Variants in SLC30A8 observed in about 807,000 individuals in gnomAD.
SLC30A8 encodes proton-coupled zinc antiporter SLC30A8.
In SLC30A8, 27 loss-of-function variants were observed where a neutral mutation model predicts 36.9. That is an observed-to-expected ratio of 0.73 (90% CI 0.54 to 1.01). The LOEUF (loss-of-function observed/expected upper bound fraction) is 1.01. Ranked by LOEUF, SLC30A8 falls within the 50% of genes least tolerant of loss-of-function variation. SLC30A8 has a pLI of 0.00. For missense variants in SLC30A8, 439 were observed against 452.0 expected, an observed-to-expected ratio of 0.97 and a Z score of 0.26; for synonymous variants, 164 against 172.4, an observed-to-expected ratio of 0.95 and a Z score of 0.38.
chr8:117,108,736 C>T (rs1197028255), intron 2 of SLC30A8, among the ~76,000 whole-genome samples: 1 of 152,178 alleles, frequency 6.6e-6, no homozygotes, highest in African/African-American at 2.4e-5. Context: ...AATGACTTCA[C>T]TCTACAAAGA....
At chr8:117,102,923 C>T (rs140512326) in intron 2 of SLC30A8, among the ~76,000 whole-genome samples, 296 of 152,186 alleles carry the variant, frequency 1.9e-3, no homozygotes, top group African/African-American at 7.0e-3. Flanking sequence ...CTCAACTCAG[C>T]GTAGTCCACT....
rs115012450 is a variant in SLC30A8 at position 117,010,367 on chromosome 8, T to C, written c.-265-28852T>C. 3.8e-3 allele frequency among the ~76,000 whole-genome samples: 575 copies of C among 152,278 alleles called. 5 individuals carry two copies. The highest frequency in any genetic ancestry group is 0.013 in the African/African-American group (529 of 41,568). On this transcript the variant is annotated intron_variant, in intron 1 of 10. Coordinates refer to the SLC30A8 transcript ENST00000427715. ...CCCACAGTGTCCAGAACAGGAGTCA[T>C]ACCCTCGGGTTAGAATCTGGCAGCT...
At chr8:117,072,968 G>T (rs1417116852) in intron 2 of SLC30A8, among the ~76,000 whole-genome samples, 2 of 151,666 alleles carry the variant, frequency 1.3e-5, no homozygotes. Flanking sequence ...ATTTAATGTG[G>T]TCTTTGGTAT....
chr8:117,092,589 G>A (rs777193952), intron 2 of SLC30A8, among the ~76,000 whole-genome samples: 2 of 152,204 alleles, frequency 1.3e-5, no homozygotes, highest in African/African-American at 2.4e-5. Context: ...GTGCCCACTA[G>A]TACCTAGACT....
At chr8:116,966,130 C>T (rs1335124437) in intron 1 of SLC30A8, among the ~76,000 whole-genome samples, 4 of 152,080 alleles carry the variant, frequency 2.6e-5, no homozygotes, top group East Asian at 1.9e-4. Context: ...GCAATTCGCC[C>T]GTCTCGGCCT....
chr8:116,995,568 G>C (rs1815786598), intron 1 of SLC30A8, among the ~76,000 whole-genome samples: 1 of 152,104 alleles, frequency 6.6e-6, no homozygotes, highest in Non-Finnish European at 1.5e-5. Flanking sequence ...TTGGTGACTT[G>C]TATGAGCTAC....
chr8:117,079,105 C>T (rs751938218), intron 2 of SLC30A8, among the ~76,000 whole-genome samples: 5 of 152,086 alleles, frequency 3.3e-5, no homozygotes, highest in Admixed American at 6.5e-5. Flanking sequence ...TTCGCCTCCC[C>T]GGTTCAAGTG....
intron 3 of SLC30A8, among the ~76,000 whole-genome samples, chr8:117,153,807 G>A (rs575872863): frequency 5.9e-5 from 9 of 151,796 alleles, no homozygotes; most frequent in South Asian, 2.1e-4. Flanking sequence ...AAGCAAACAC[G>A]TGCTGAAACA....
At chr8:116,990,574 A>G (rs1001692707) in intron 1 of SLC30A8, among the ~76,000 whole-genome samples, 1 of 152,176 alleles carries the variant, frequency 6.6e-6, no homozygotes, top group African/African-American at 2.4e-5. Flanking sequence ...CAAAATAAGG[A>G]AAGAGTGAGA....
intron 2 of SLC30A8, among the ~76,000 whole-genome samples, chr8:117,072,799 C>G (rs1346808028): frequency 6.6e-6 from 1 of 150,390 alleles, no homozygotes; most frequent in African/African-American, 2.4e-5. Flanking sequence ...TCACCCCCTA[C>G]CAAAGAAAAA....
intron 1 of SLC30A8, among the ~76,000 whole-genome samples, chr8:117,136,550 A>G (rs1334660708): frequency 6.6e-6 from 1 of 152,016 alleles, no homozygotes; most frequent in Non-Finnish European, 1.5e-5. Flanking sequence ...AGATTTTATA[A>G]AAAGGATATT....
intron 1 of SLC30A8, among the ~76,000 whole-genome samples, chr8:117,139,869 A>AG (rs1821567613): frequency 6.6e-6 from 1 of 151,946 alleles, no homozygotes; most frequent in East Asian, 1.9e-4. Context: ...TAAAAAAAAA[A>AG]AAAAAAAAAG....
chr8:117,157,945 A>G, intron 4 of SLC30A8, 101 bp downstream of exon 4: 1 of 1,325,958 alleles, frequency 7.5e-7, no homozygotes, highest in Non-Finnish European at 1.0e-6. Flanking sequence ...TGAAGATGGT[A>G]GAGACTGGAC....
intron 2 of SLC30A8, among the ~76,000 whole-genome samples, chr8:117,046,533 C>A (rs1207605084): frequency 6.6e-6 from 1 of 152,100 alleles, no homozygotes. Flanking sequence ...AGTGATGAGA[C>A]AAATAATTAA....
intron 2 of SLC30A8, among the ~76,000 whole-genome samples, chr8:117,126,639 G>A (rs1419362715): frequency 4.6e-5 from 7 of 152,006 alleles, no homozygotes; most frequent in Middle Eastern, 3.4e-3. Context: ...GCCAGATACC[G>A]TTTATGAAGA....
intron 1 of SLC30A8, among the ~76,000 whole-genome samples, chr8:117,013,640 T>G (rs1287394685): frequency 6.6e-6 from 1 of 152,156 alleles, no homozygotes; most frequent in Non-Finnish European, 1.5e-5. Flanking sequence ...CTGGACTTGG[T>G]GGTGTCAAGC....
intron 2 of SLC30A8, among the ~76,000 whole-genome samples, chr8:117,129,565 C>G (rs1234914564): frequency 6.6e-6 from 1 of 151,952 alleles, no homozygotes; most frequent in Non-Finnish European, 1.5e-5. Context: ...AAATTCCATT[C>G]TAACAACTCT....
At chr8:116,993,797 C>G (rs756174265) in intron 1 of SLC30A8, among the ~76,000 whole-genome samples, 1 of 151,596 alleles carries the variant, frequency 6.6e-6, no homozygotes, top group Admixed American at 6.6e-5. Context: ...AGAAAATATC[C>G]GATCTGAAAG....
At chr8:117,101,249 A>G (rs1409488940) in intron 2 of SLC30A8, among the ~76,000 whole-genome samples, 1 of 152,132 alleles carries the variant, frequency 6.6e-6, no homozygotes, top group African/African-American at 2.4e-5. Context: ...CCAGGGCCTT[A>G]TATCTGAATT....
Sources: gnomAD v4.1 joint callset for allele counts (sites outside exome capture counted in the v4.1 genomes callset) on GRCh38, gnomAD v4.1.1 for gene constraint, MANE v1.5 for transcripts, NCBI Gene and HGNC (gene_info 2026-07-23, HGNC 2026-07-21) for gene names.